Variants in DRC8 observed in about 807,000 individuals in gnomAD.
DRC8 encodes dynein regulatory complex subunit 8.
the DRC8 span, among the ~76,000 whole-genome samples, chr1:245,068,675 C>G: frequency 6.6e-6 from 1 of 151,446 alleles, no homozygotes; most frequent in African/African-American, 2.4e-5. Context: ...CTCCTGGCCT[C>G]AAGTGATCCT....
chr1:244,998,953 A>G, the DRC8 span, among the ~76,000 whole-genome samples: 1 of 151,772 alleles, frequency 6.6e-6, no homozygotes, highest in Non-Finnish European at 1.5e-5. Flanking sequence ...GGGAGAGGAA[A>G]GATCTGCCTT....
chr1:245,044,611 T>C, the DRC8 span, among the ~76,000 whole-genome samples: 2 of 152,234 alleles, frequency 1.3e-5, no homozygotes, highest in East Asian at 1.9e-4. Context: ...GGAGTCTCGT[T>C]CTGTTGCCCA....
At chr1:245,084,815 T>C in the DRC8 span, among the ~76,000 whole-genome samples, 3 of 152,200 alleles carry the variant, frequency 2.0e-5, no homozygotes, top group Admixed American at 6.5e-5. Flanking sequence ...GGTTTGACCA[T>C]TCCAGCTTCA....
the DRC8 span, among the ~76,000 whole-genome samples, chr1:245,080,864 G>A: frequency 7.9e-5 from 12 of 152,130 alleles, no homozygotes; most frequent in Non-Finnish European, 1.5e-4. Flanking sequence ...AGGCCCTGCC[G>A]TCGGGCCCCT....
At chr1:245,061,776 C>T in the DRC8 span, among the ~76,000 whole-genome samples, 3 of 152,152 alleles carry the variant, frequency 2.0e-5, no homozygotes, top group African/African-American at 7.2e-5. Flanking sequence ...TTTCAGAGAT[C>T]AAACTATTTA....
the DRC8 span, chr1:245,082,098 C>T: frequency 1.9e-6 from 3 of 1,610,976 alleles, no homozygotes; most frequent in Non-Finnish European, 8.5e-7. Context: ...GGAAGAAGAA[C>T]CCACTGGATA....
At chr1:245,017,277 G>T in the DRC8 span, 3 of 1,609,954 alleles carry the variant, frequency 1.9e-6, no homozygotes, top group Non-Finnish European at 2.5e-6. Flanking sequence ...AAAAATCAAA[G>T]AGGCATTTGA....
At chr1:245,005,853 A>C in the DRC8 span, among the ~76,000 whole-genome samples, 1 of 152,200 alleles carries the variant, frequency 6.6e-6, no homozygotes, top group Non-Finnish European at 1.5e-5. Context: ...TTACTCTTAA[A>C]CGTGAGTGAC....
the DRC8 span, among the ~76,000 whole-genome samples, chr1:245,105,454 A>C: frequency 2.0e-5 from 3 of 152,062 alleles, no homozygotes; most frequent in African/African-American, 7.2e-5. Context: ...GCCCATCTCT[A>C]CTAAAAATAG....
chr1:245,075,415 C>T, the DRC8 span, among the ~76,000 whole-genome samples: 8 of 152,230 alleles, frequency 5.3e-5, no homozygotes, highest in Admixed American at 3.9e-4. Context: ...AAAAGTCCCA[C>T]AGTATTTATT....
chr1:245,102,703 T>C, the DRC8 span, among the ~76,000 whole-genome samples: 118 of 152,378 alleles, frequency 7.7e-4, no homozygotes, highest in African/African-American at 2.8e-3. Context: ...AATTCCCATT[T>C]GTTGGGAGAA....
chr1:245,000,560 C>T, the DRC8 span, among the ~76,000 whole-genome samples: 1 of 152,018 alleles, frequency 6.6e-6, no homozygotes, highest in African/African-American at 2.4e-5. Context: ...GCAGGCAGAT[C>T]ATGAGGTCAG....
At chr1:245,114,276 G>A in the DRC8 span, among the ~76,000 whole-genome samples, 6 of 151,992 alleles carry the variant, frequency 3.9e-5, no homozygotes, top group Admixed American at 6.6e-5. Flanking sequence ...CAGCCTGGCC[G>A]ATATGGTGAA....
At chr1:245,033,645 GT>G in the DRC8 span, among the ~76,000 whole-genome samples, 1 of 151,952 alleles carries the variant, frequency 6.6e-6, no homozygotes, top group Admixed American at 6.6e-5. Flanking sequence ...TTTTCCTGAG[GT>G]TGTTGTCTCT....
the DRC8 span, chr1:245,059,474 A>G: frequency 6.2e-7 from 1 of 1,606,604 alleles, no homozygotes; most frequent in Non-Finnish European, 8.5e-7. Flanking sequence ...TACGGCGAAA[A>G]GGTTTCATTC....
chr1:245,084,059 TCCG>T, the DRC8 span, among the ~76,000 whole-genome samples: 1 of 31,106 alleles, frequency 3.2e-5, no homozygotes, highest in African/African-American at 8.4e-5. Flanking sequence ...ATATAAAAAT[TCCG>T]CCCCCCCCCC....
the DRC8 span, among the ~76,000 whole-genome samples, chr1:245,099,505 C>A: frequency 1.3e-5 from 2 of 152,222 alleles, no homozygotes; most frequent in African/African-American, 2.4e-5. Context: ...GACACCAGGC[C>A]ACAGGCCACA....
the DRC8 span, among the ~76,000 whole-genome samples, chr1:245,020,822 G>T: frequency 6.6e-6 from 1 of 150,634 alleles, no homozygotes; most frequent in Admixed American, 6.6e-5. Flanking sequence ...TAGAGACGGG[G>T]TTTCACCATG....
At chr1:245,073,885 A>G in the DRC8 span, among the ~76,000 whole-genome samples, 2 of 152,138 alleles carry the variant, frequency 1.3e-5, no homozygotes, top group African/African-American at 4.8e-5. Flanking sequence ...TTCCACAAAG[A>G]ACATGTATTA....
Sources: allele counts gnomAD v4.1 joint callset (sites outside exome capture counted in the v4.1 genomes callset), GRCh38; gene constraint gnomAD v4.1.1; transcripts MANE v1.5; gene names NCBI Gene and HGNC (gene_info 2026-07-23, HGNC 2026-07-21).